Variants in ANXA10 observed in about 807,000 individuals in gnomAD.
ANXA10 encodes the protein annexin A10, also known as annexin 14.
In ANXA10, 49 loss-of-function variants were observed where a neutral mutation model predicts 53.5. That is an observed-to-expected ratio of 0.92 (90% CI 0.73 to 1.16). The LOEUF (loss-of-function observed/expected upper bound fraction) is 1.16, where lower values mean the gene tolerates loss of function less well. Among genes scored for constraint, ANXA10 ranks in the 50% most tolerant of loss-of-function variants. The pLI, the probability that ANXA10 is intolerant of heterozygous loss-of-function variation, is 0.00. For missense variants in ANXA10, 393 were observed against 394.4 expected (o/e 1.00, Z 0.03); for synonymous variants, 131 against 128.9 (o/e 1.02, Z -0.11).
At chr4:168,138,219 C>G (rs747232195) in intron 2 of ANXA10, among the ~76,000 whole-genome samples, 2 of 152,114 alleles carry the variant, frequency 1.3e-5, no homozygotes, top group African/African-American at 2.4e-5. Flanking sequence ...CCTCGACCCC[C>G]CAAAGTGCTG....
chr4:168,150,591 G>T (rs1453786111), intron 3 of ANXA10, among the ~76,000 whole-genome samples: 1 of 152,124 alleles, frequency 6.6e-6, no homozygotes, highest in Admixed American at 6.5e-5. Flanking sequence ...AGAACAGGGT[G>T]GCTGAATATA....
intron 1 of ANXA10, among the ~76,000 whole-genome samples, chr4:168,095,153 C>A (rs1221826439): frequency 1.3e-5 from 2 of 151,946 alleles, no homozygotes; most frequent in African/African-American, 4.8e-5. Flanking sequence ...AGCTCAAATT[C>A]TTTTTATTAA....
intron 3 of ANXA10, among the ~76,000 whole-genome samples, chr4:168,153,442 CAAAAACAAAAACAAAACAA>C (rs1560782287): frequency 0.11 from 4,716 of 42,974 alleles, 231 homozygotes; most frequent in Middle Eastern, 0.21. Flanking sequence ...AAAAAAAAAA[CAAAAACAAAAACAAAACAA>C]AAAAAAAAAC....
At chr4:168,121,872 C>G (rs754295384) in intron 1 of ANXA10, among the ~76,000 whole-genome samples, 8 of 152,016 alleles carry the variant, frequency 5.3e-5, no homozygotes, top group Non-Finnish European at 1.0e-4. Context: ...GAGACGGAGT[C>G]TCACTCTGTC....
chr4:168,155,253 T>A (rs1225207834), intron 3 of ANXA10, among the ~76,000 whole-genome samples: 1 of 144,912 alleles, frequency 6.9e-6, no homozygotes, highest in Non-Finnish European at 1.5e-5. Flanking sequence ...ATTCGTACAA[T>A]TCTGTAAGTT....
intron 3 of ANXA10, among the ~76,000 whole-genome samples, chr4:168,155,559 T>G (rs1440106404): frequency 1.5e-5 from 1 of 64,766 alleles, no homozygotes; most frequent in Non-Finnish European, 2.7e-5. Context: ...AATATATAAT[T>G]ATATAATATA....
intron 3 of ANXA10, among the ~76,000 whole-genome samples, chr4:168,153,422 C>CAAAAAAAAAAAAAAAAAAAAAAAAAAA (rs61179704): frequency 1.4e-4 from 6 of 43,520 alleles, no homozygotes; most frequent in African/African-American, 3.2e-4. Flanking sequence ...AAGCCTAAAG[C>CAAAAAAAAAAAAAAAAAAAAAAAAAAA]AAAAAAAAAA....
intron 6 of ANXA10, among the ~76,000 whole-genome samples, chr4:168,170,572 T>C (rs1456419976): frequency 6.6e-6 from 1 of 152,194 alleles, no homozygotes; most frequent in Non-Finnish European, 1.5e-5. Context: ...CCAAAAGTGT[T>C]ACTTCTTAAG....
chr4:168,092,926 T>C (rs1730482589), intron 1 of ANXA10, among the ~76,000 whole-genome samples: 1 of 152,160 alleles, frequency 6.6e-6, no homozygotes, highest in Admixed American at 6.5e-5. Flanking sequence ...TAAACATTAC[T>C]ATGATAACAA....
chr4:168,129,377 G>C (rs753083654), intron 2 of ANXA10, among the ~76,000 whole-genome samples: 6 of 152,050 alleles, frequency 3.9e-5, no homozygotes, highest in Non-Finnish European at 5.9e-5. Context: ...TGCAATTTTT[G>C]CTTTAAAACT....
chr4:168,119,629 G>T (rs1730954061), intron 1 of ANXA10, among the ~76,000 whole-genome samples: 1 of 152,028 alleles, frequency 6.6e-6, no homozygotes, highest in South Asian at 2.1e-4. Flanking sequence ...GTATGTCTTT[G>T]GTTAATATAT....
At chr4:168,168,099 C>T (rs1264529519) in intron 6 of ANXA10, among the ~76,000 whole-genome samples, 1 of 152,170 alleles carries the variant, frequency 6.6e-6, no homozygotes, top group African/African-American at 2.4e-5. Flanking sequence ...TTCTCAAGCT[C>T]ACAGGAAGAC....
At chr4:168,169,664 T>C (rs1578931869) in intron 6 of ANXA10, among the ~76,000 whole-genome samples, 1 of 152,270 alleles carries the variant, frequency 6.6e-6, no homozygotes, top group East Asian at 1.9e-4. Context: ...GTACCTGACA[T>C]TACAGGTCTA....
At chr4:168,173,312 A>C (rs1223283102) in intron 6 of ANXA10, among the ~76,000 whole-genome samples, 1 of 152,342 alleles carries the variant, frequency 6.6e-6, no homozygotes, top group East Asian at 1.9e-4. Flanking sequence ...ATGTACTATA[A>C]TAGTAAATGA....
chr4:168,127,669 A>C, intron 1 of ANXA10: 1 of 389,758 alleles, frequency 2.6e-6, no homozygotes, highest in South Asian at 1.9e-5. Context: ...AGAGACCAAC[A>C]GATAAAATGA....
At chr4:168,164,322 AC>A (rs1412602172) in intron 5 of ANXA10, 34 bp downstream of exon 5, 1 of 1,436,026 alleles carries the variant, frequency 7.0e-7, no homozygotes, top group Non-Finnish European at 9.7e-7. Flanking sequence ...TATATTTTAC[AC>A]ATATAAGAAC....
intron 3 of ANXA10, among the ~76,000 whole-genome samples, chr4:168,153,422 C>CAAA (rs61179704): frequency 8.7e-4 from 38 of 43,476 alleles, no homozygotes; most frequent in African/African-American, 1.6e-3. Flanking sequence ...AAGCCTAAAG[C>CAAA]AAAAAAAAAA....
intron 2 of ANXA10, among the ~76,000 whole-genome samples, chr4:168,130,420 T>C: frequency 6.6e-6 from 1 of 152,116 alleles, no homozygotes. Flanking sequence ...GAAATGTTGG[T>C]CAGTAATTTT....
chr4:168,179,120 T>C, intron 8 of ANXA10, 97 bp from the exon 9 acceptor site: 1 of 772,620 alleles, frequency 1.3e-6, no homozygotes, highest in Admixed American at 2.6e-5. Flanking sequence ...CTTTTAATTA[T>C]TTTATGGAAA....
Sources: gnomAD v4.1 joint callset for allele counts (sites outside exome capture counted in the v4.1 genomes callset) on GRCh38, gnomAD v4.1.1 for gene constraint, MANE v1.5 for transcripts, NCBI Gene and HGNC (gene_info 2026-07-23, HGNC 2026-07-21) for gene names.